The following CPT1C variants were observed in gnomAD, a reference collection of about 807,000 sequenced individuals.
CPT1C encodes the protein carnitine palmitoyltransferase 1C.
CPT1C carries 61 observed loss-of-function variants against 97.3 expected under a neutral mutation model. The observed-to-expected ratio is 0.63, with a 90% CI of 0.51 to 0.78. The LOEUF is 0.78. Among genes scored for constraint, CPT1C ranks in the 30% least tolerant of loss-of-function variants. The probability of loss-of-function intolerance (pLI) is 0.00; values close to 1 mark genes in which losing one functional copy is unlikely to be tolerated. For synonymous variants in CPT1C, 469 were observed against 447.2 expected, an observed-to-expected ratio of 1.05 and a Z score of -0.61; for missense variants, 975 against 1,065.5, an observed-to-expected ratio of 0.92 and a Z score of 1.18.
intron 4 of CPT1C, among the ~76,000 whole-genome samples, chr19:49,699,975 T>A (rs755210264): frequency 7.2e-6 from 1 of 138,958 alleles, no homozygotes; most frequent in Non-Finnish European, 1.5e-5. Flanking sequence ...ATGCCGGGCG[T>A]GGTGGCTCAC....
chr19:49,696,223 T>C (rs1016410554), intron 3 of CPT1C, among the ~76,000 whole-genome samples: 3 of 152,156 alleles, frequency 2.0e-5, no homozygotes, highest in Admixed American at 6.6e-5. Context: ...TTAGTACTTA[T>C]TTCACATGGT....
intron 12 of CPT1C, 26 bp from the exon 13 acceptor site, chr19:49,707,492 T>A: frequency 1.9e-6 from 3 of 1,566,888 alleles, no homozygotes; most frequent in Non-Finnish European, 2.6e-6. Flanking sequence ...TCGCTCTTGG[T>A]GACCCATCTG....
At chr19:49,702,019 T>TATAA (rs1248666080) in intron 7 of CPT1C, among the ~76,000 whole-genome samples, 1 of 46,294 alleles carries the variant, frequency 2.2e-5, no homozygotes, top group African/African-American at 1.4e-4. Flanking sequence ...TATATTTATT[T>TATAA]ATAAATTATA....
chr19:49,708,310 A>C (rs28609199), intron 13 of CPT1C, among the ~76,000 whole-genome samples: 4,434 of 151,788 alleles, frequency 0.029, 68 homozygotes, highest in African/African-American at 0.038. Flanking sequence ...CATAATGAGA[A>C]CCTGTCTACA....
At chr19:49,705,527 G>A (rs1011890496) in intron 10 of CPT1C, among the ~76,000 whole-genome samples, 19 of 152,104 alleles carry the variant, frequency 1.2e-4, no homozygotes, top group South Asian at 2.1e-4. Context: ...TTGTGGGGCC[G>A]AGGTGGACAA....
Position 49,706,876 on chromosome 19 carries a change from T to G in CPT1C, c.1343+463T>G, listed in dbSNP as rs1017231793. On this transcript the variant is annotated intron_variant, in intron 12 of 19. Transcript: ENST00000598293. The surrounding 1 kb of genome is among the most constrained non-coding windows in gnomAD (Gnocchi z 4.8). Reference sequence around the variant, plus strand: ...CCCAGACTTCCAGACCTAGAGATTCTCAGGCCTGGCAGGCATCACTGAATT... The same window carrying G: ...CCCAGACTTCCAGACCTAGAGATTCGCAGGCCTGGCAGGCATCACTGAATT... Among the ~76,000 whole-genome samples, 3 of 152,062 alleles carry G rather than the reference T, an allele frequency of 2.0e-5. No homozygotes were observed. The highest frequency in any genetic ancestry group is 4.1e-4 in the South Asian group (2 of 4,828).
intron 13 of CPT1C, among the ~76,000 whole-genome samples, 154 bp downstream of exon 13, chr19:49,707,777 C>A (rs757542179): frequency 6.6e-6 from 1 of 150,880 alleles, no homozygotes; most frequent in African/African-American, 2.4e-5. Flanking sequence ...CCGAGGTGGG[C>A]GGATCATGAG....
chr19:49,697,893 C>T (rs1303822150), intron 4 of CPT1C: 6 of 154,804 alleles, frequency 3.9e-5, no homozygotes, highest in South Asian at 2.0e-4. Flanking sequence ...ACTAAAAATA[C>T]AAAAAATTAG....
intron 4 of CPT1C, among the ~76,000 whole-genome samples, chr19:49,699,449 CCT>C (rs1452388281): frequency 1.9e-5 from 2 of 107,908 alleles, no homozygotes; most frequent in Admixed American, 1.1e-4. Context: ...CATAGAGACC[CCT>C]GTCTCTAAAA....
intron 16 of CPT1C, 64 bp from the exon 17 acceptor site, chr19:49,711,745 G>A (rs1012164534): frequency 1.5e-5 from 23 of 1,520,560 alleles, no homozygotes; most frequent in African/African-American, 1.1e-4. Flanking sequence ...CAGATGTGCC[G>A]CAGGCCCAGC....
At chr19:49,698,622 C>G (rs2082808978) in intron 4 of CPT1C, among the ~76,000 whole-genome samples, 1 of 151,026 alleles carries the variant, frequency 6.6e-6, no homozygotes, top group South Asian at 2.1e-4. Context: ...GAAATTGTGC[C>G]ACTGCACTTC....
chr19:49,698,466 C>G (rs567274954), intron 4 of CPT1C, among the ~76,000 whole-genome samples: 5 of 151,810 alleles, frequency 3.3e-5, no homozygotes, highest in Non-Finnish European at 5.9e-5. Flanking sequence ...AGTTTGAGAC[C>G]AGCCTGGACA....
intron 4 of CPT1C, chr19:49,698,026 G>C (rs2082767874): frequency 7.0e-6 from 1 of 143,536 alleles, no homozygotes; most frequent in Non-Finnish European, 1.5e-5. Flanking sequence ...TCCAGCTTGG[G>C]TGACAAGAGC....
rs963327376 is a variant in CPT1C, at chr19:49,707,917, C to T, written c.1449+294C>T. ...ACTCGGGAGGCTGAGGCATGAGAAT[C>T]GCATGAACCCGGGAGGTGGAGGTTG... On this transcript the variant is annotated intron_variant, in intron 13 of 19. Coordinates refer to ENST00000598293, the MANE Select transcript of CPT1C (RefSeq NM_001199753.2). Among the ~76,000 whole-genome samples, 9 of 146,742 alleles carry T rather than the reference C, an allele frequency of 6.1e-5. No individual in the cohort carries two copies. The South Asian group carries it at 6.4e-4, about 11-fold the overall frequency.
intron 4 of CPT1C, 134 bp from the exon 5 acceptor site, chr19:49,700,550 A>G: frequency 1.1e-6 from 1 of 906,390 alleles, no homozygotes; most frequent in African/African-American, 1.6e-5. Context: ...CAGAGCTCAC[A>G]CCTACTAAAA....
Position 49,706,450 on chromosome 19 carries a change from AC to A in CPT1C, c.1343+40del. 6 of 1,426,828 alleles carry A rather than the reference AC, an allele frequency of 4.2e-6. No homozygotes were observed. The highest frequency in any genetic ancestry group is 5.5e-6 in the Non-Finnish European group (6 of 1,097,048). The allele number at this position is 1,426,828 out of a possible 1,614,324, so 88.4% of individuals were successfully genotyped here. A position where few individuals can be genotyped will look rare whatever the true frequency, so the allele number is the denominator to read the frequency against. On this transcript the variant is annotated intron_variant, in intron 12 of 19. Transcript: ENST00000598293. The surrounding 1 kb of genome is among the most constrained non-coding windows in gnomAD (Gnocchi z 4.8). The stretch of plus-strand genomic sequence containing the variant: ...TTGGGATGGGGCCCCCAGATGTGGC[AC>A]CCGAGAATCCAGTATCAGACCTAGG...
intron 5 of CPT1C, among the ~76,000 whole-genome samples, 185 bp downstream of exon 5, chr19:49,701,040 TG>T (rs1419814045): frequency 1.5e-5 from 2 of 134,978 alleles, no homozygotes; most frequent in African/African-American, 2.8e-5. Flanking sequence ...TCTGGGTCTC[TG>T]TCCCCCTCTC....
chr19:49,704,436 G>T (rs2123390376), intron 7 of CPT1C, among the ~76,000 whole-genome samples: 1 of 152,328 alleles, frequency 6.6e-6, no homozygotes, highest in East Asian at 1.9e-4. Context: ...CTCCCAAAGT[G>T]CTGGGATTAC....
chr19:49,708,927 A>C, intron 14 of CPT1C, 88 bp downstream of exon 14: 1 of 852,748 alleles, frequency 1.2e-6, no homozygotes, highest in Non-Finnish European at 1.9e-6. Context: ...TCTGAACGTG[A>C]AAATCAACCC....
Sources: gnomAD v4.1 joint callset for allele counts (sites outside exome capture counted in the v4.1 genomes callset) on GRCh38, gnomAD v4.1.1 for gene constraint, Gnocchi (gnomAD v3.1) non-coding constraint, MANE v1.5 for transcripts, NCBI Gene and HGNC (gene_info 2026-07-23, HGNC 2026-07-21) for gene names.